ITSN2: variants seen among roughly 807,000 people sequenced by gnomAD.
ITSN2 encodes intersectin 2, also known as intersectin-2.
ITSN2 carries 156 observed loss-of-function variants against 243.7 expected under a neutral mutation model. The observed-to-expected ratio is 0.64, with a 90% CI of 0.56 to 0.73. The LOEUF (loss-of-function observed/expected upper bound fraction) is 0.73, where lower values mean the gene tolerates loss of function less well. Among genes scored for constraint, ITSN2 ranks in the 30% least tolerant of loss-of-function variants. The pLI, the probability that ITSN2 is intolerant of heterozygous loss-of-function variation, is 0.00. For synonymous variants in ITSN2, 703 were observed against 699.9 expected (o/e 1.00, Z -0.07); for missense variants, 1,801 against 1,996.1 (o/e 0.90, Z 1.86).
At chr2:24,259,247 T>C (rs1675486598) in intron 22 of ITSN2, among the ~76,000 whole-genome samples, 1 of 152,228 alleles carries the variant, frequency 6.6e-6, no homozygotes, top group African/African-American at 2.4e-5. Context: ...TTAACTCCTA[T>C]TTCTTCCTCA....
chr2:24,253,480 T>A (rs1315195054), intron 24 of ITSN2, among the ~76,000 whole-genome samples: 2 of 152,202 alleles, frequency 1.3e-5, no homozygotes, highest in African/African-American at 4.8e-5. Context: ...GTTCCTTGGC[T>A]CATGCCATTC....
At chr2:24,214,989 T>C (rs147110291) in intron 32 of ITSN2, among the ~76,000 whole-genome samples, 1 of 152,352 alleles carries the variant, frequency 6.6e-6, no homozygotes, top group East Asian at 1.9e-4. Flanking sequence ...GGTATAATAA[T>C]AGTTTCTACT....
intron 37 of ITSN2, among the ~76,000 whole-genome samples, chr2:24,206,815 G>A (rs563815224): frequency 2.6e-5 from 4 of 152,282 alleles, no homozygotes; most frequent in East Asian, 1.9e-4. Flanking sequence ...GAGGATGATC[G>A]CAGCCTCAGG....
At chr2:24,228,540 A>G (rs1671270243) in intron 29 of ITSN2, among the ~76,000 whole-genome samples, 1 of 152,246 alleles carries the variant, frequency 6.6e-6, no homozygotes, top group South Asian at 2.1e-4. Context: ...GAAAGACATA[A>G]GAGAATCATT....
chr2:24,203,950 G>C lies in ITSN2; in HGVS notation c.4937-167C>G, dbSNP rs1171836126. 5.7e-6 allele frequency: 4 copies of C among 699,490 alleles called. No homozygotes were observed. The Admixed American group carries it at 1.2e-4, about 20-fold the overall frequency. 43.3% of individuals were successfully genotyped at this position (699,490 alleles called of 1,614,324 possible). A position where few individuals can be genotyped will look rare whatever the true frequency, so the allele number is the denominator to read the frequency against. On this transcript the variant is annotated intron_variant, in intron 39 of 39. Coordinates refer to ENST00000355123, the MANE Select transcript of ITSN2 (RefSeq NM_006277.3). ...AGTGGGTGTGTGGGGAATGATGGCA[G>C]GTTTGTGTGTGAGAAGCTGCCACAT...
chr2:24,300,979 C>A (rs1276190199), intron 11 of ITSN2, among the ~76,000 whole-genome samples, 175 bp downstream of exon 11: 1 of 152,204 alleles, frequency 6.6e-6, no homozygotes, highest in Admixed American at 6.5e-5. Flanking sequence ...ACACTCTTCT[C>A]ATTTTGACCA....
In ITSN2 at chr2:24,271,852, G is replaced by GA; in HGVS notation, c.2170_2171insT (p.Thr724IlefsTer13). ...TTCCTCTTCTTGAATTTTTTCTTGT[G>GA]TTTTTTCTTCCTGGAGTCGCTTTTG... On this transcript the variant is annotated frameshift_variant, in exon 19 of 40. Transcript: ENST00000355123. LOFTEE classifies it high-confidence loss of function. The GA allele has an allele frequency of 6.2e-7, 1 of 1,609,968 alleles. No homozygotes were observed. The highest frequency in any genetic ancestry group is 8.5e-7 in the Non-Finnish European group (1 of 1,179,072).
chr2:24,279,825 C>T (rs779292893), intron 17 of ITSN2, among the ~76,000 whole-genome samples: 2 of 151,436 alleles, frequency 1.3e-5, no homozygotes, highest in Non-Finnish European at 2.9e-5. Context: ...CTCCGCCTCC[C>T]GGGTTCAGGT....
At chr2:24,251,736 T>C (rs1423971024) in intron 25 of ITSN2, among the ~76,000 whole-genome samples, 1 of 151,338 alleles carries the variant, frequency 6.6e-6, no homozygotes, top group Non-Finnish European at 1.5e-5. Flanking sequence ...GCACGTTATT[T>C]ATGTTACCAT....
intron 9 of ITSN2, among the ~76,000 whole-genome samples, chr2:24,303,583 T>G (rs554881060): frequency 6.6e-6 from 1 of 152,354 alleles, no homozygotes; most frequent in Admixed American, 6.5e-5. Flanking sequence ...AGAAAATATT[T>G]TTTGTAAATT....
chr2:24,347,976 T>C (rs1558665654), intron 1 of ITSN2, among the ~76,000 whole-genome samples: 1 of 151,852 alleles, frequency 6.6e-6, no homozygotes. Flanking sequence ...CTCAGGAAAC[T>C]GAGGTGGGAG....
intron 29 of ITSN2, among the ~76,000 whole-genome samples, chr2:24,223,683 C>CA (rs61310660): frequency 0.27 from 23,101 of 86,920 alleles, 2,758 homozygotes; most frequent in Non-Finnish European, 0.35. Flanking sequence ...GACCCTGTTT[C>CA]AAAAAAAAAA....
At chr2:24,349,711 T>C (rs1558668219) in intron 1 of ITSN2, among the ~76,000 whole-genome samples, 1 of 152,084 alleles carries the variant, frequency 6.6e-6, no homozygotes, top group Non-Finnish European at 1.5e-5. Flanking sequence ...ATTCTAACCA[T>C]CACCCACCTA....
rs750939573 is a variant in ITSN2 at position 24,204,212 on chromosome 2, A to G, written c.4936+33T>C. ...ACTCCAGGATCTAGGAAACTGGGAAAGCCTTTAGATCCCCTGGCTGAGCGA... is the reference window on the plus strand; with the variant it reads ...ACTCCAGGATCTAGGAAACTGGGAAGGCCTTTAGATCCCCTGGCTGAGCGA... On this transcript the variant is annotated intron_variant, in intron 39 of 39. Transcript: ENST00000355123. This position sits in a 1 kb window ranked among gnomAD's most constrained non-coding sequence, Gnocchi z 5.1. 18 of 1,610,202 alleles carry G rather than the reference A, an allele frequency of 1.1e-5. No individual in the cohort carries two copies. Among genetic ancestry groups the G allele is most frequent in the Admixed American group, 1.7e-5 (1 of 59,958 alleles).
intron 29 of ITSN2, among the ~76,000 whole-genome samples, chr2:24,230,499 G>A (rs1311918059): frequency 2.6e-5 from 4 of 152,200 alleles, no homozygotes; most frequent in Non-Finnish European, 4.4e-5. Context: ...TGGGTGCGGT[G>A]GCTCACGCCT....
intron 14 of ITSN2, 69 bp downstream of exon 14, chr2:24,295,595 C>G (rs750416532): frequency 1.6e-6 from 2 of 1,251,284 alleles, no homozygotes; most frequent in Non-Finnish European, 2.1e-6. Context: ...AGCCGTGAGC[C>G]ACCGTGCCCA....
intron 37 of ITSN2, chr2:24,206,194 A>G: frequency 2.6e-6 from 1 of 379,146 alleles, no homozygotes; most frequent in South Asian, 2.0e-5. Context: ...GCAAGCTTTT[A>G]AAGTACCATT....
chr2:24,258,827 A>C (rs1675405907), intron 22 of ITSN2, among the ~76,000 whole-genome samples: 1 of 152,204 alleles, frequency 6.6e-6, no homozygotes, highest in South Asian at 2.1e-4. Flanking sequence ...TAATAATAAC[A>C]TCAAAGCCAA....
At chr2:24,224,636 CT>C (rs148181209) in intron 29 of ITSN2, among the ~76,000 whole-genome samples, 79,266 of 144,878 alleles carry the variant, frequency 0.55, 21,742 homozygotes, top group East Asian at 0.72. Flanking sequence ...GGCTCTTCAA[CT>C]TTTTTTTTTT....
Sources: allele counts gnomAD v4.1 joint callset (sites outside exome capture counted in the v4.1 genomes callset), GRCh38; gene constraint gnomAD v4.1.1; non-coding constraint Gnocchi (gnomAD v3.1); transcripts MANE v1.5; gene names NCBI Gene and HGNC (gene_info 2026-07-23, HGNC 2026-07-21).